CDK19: variants seen among roughly 807,000 people sequenced by gnomAD.
The protein encoded by CDK19 is cyclin-dependent kinase 19.
Under a neutral mutation model 68.3 loss-of-function variants are expected in CDK19, and 20 were observed. The ratio of observed to expected loss-of-function variants is 0.29; its 90% CI spans 0.21 to 0.43. CDK19 has a LOEUF of 0.43. Among genes scored for constraint, CDK19 ranks in the 20% least tolerant of loss-of-function variants. The pLI is 1.00. For missense variants in CDK19, 339 were observed against 623.5 expected (o/e 0.54, Z 4.86); for synonymous variants, 221 against 222.8 (o/e 0.99, Z 0.07).
intron 5 of CDK19, among the ~76,000 whole-genome samples, chr6:110,633,723 T>C (rs1315569920): frequency 1.3e-5 from 2 of 152,238 alleles, no homozygotes; most frequent in Non-Finnish European, 2.9e-5. Context: ...AGTTTACAAA[T>C]GGCTTTCATA....
rs1370207902 is a variant in CDK19 at position 110,613,175 on chromosome 6, A to G, written c.*1360T>C. The G allele has an allele frequency of 6.6e-6, 1 of 152,618 alleles. No individual in the cohort carries two copies. Among genetic ancestry groups the G allele is most frequent in the Non-Finnish European group, 1.5e-5 (1 of 68,042 alleles). The allele number at this position is 152,618 out of a possible 1,614,324, so 9.5% of individuals were successfully genotyped here. A position where few individuals can be genotyped will look rare whatever the true frequency, so the allele number is the denominator to read the frequency against. On this transcript the variant is annotated 3_prime_UTR_variant, in exon 13 of 13. Transcript: ENST00000368911. ...AGTGAGGGGCTCCTTAAAGCAGCTA[A>G]GAAAGAACTCAGCCACTAATTCATA...
At chr6:110,685,191 T>C (rs1772369633) in intron 2 of CDK19, among the ~76,000 whole-genome samples, 1 of 152,172 alleles carries the variant, frequency 6.6e-6, no homozygotes, top group African/African-American at 2.4e-5. Context: ...AAGTGCTACA[T>C]ACTCTGCTTC....
rs1019176768 is a variant in CDK19, at chr6:110,791,130, C to G, written c.128+23879G>C. 3.3e-5 allele frequency among the ~76,000 whole-genome samples: 5 copies of G among 150,922 alleles called. No individual in the cohort carries two copies. The East Asian group carries it at 9.7e-4, about 29-fold the overall frequency. On this transcript the variant is annotated intron_variant, in intron 1 of 12. Coordinates refer to ENST00000368911, the MANE Select transcript of CDK19 (RefSeq NM_015076.5). Reference sequence around the variant, plus strand: ...AGGTTGCAGTGAGCCAAGATCGCACCACTGCACTCCAGCCTGGACGACAGA... The same window carrying G: ...AGGTTGCAGTGAGCCAAGATCGCACGACTGCACTCCAGCCTGGACGACAGA...
intron 2 of CDK19, among the ~76,000 whole-genome samples, chr6:110,697,015 C>T (rs149801026): frequency 0.014 from 2,157 of 150,890 alleles, 53 homozygotes; most frequent in African/African-American, 0.05. Context: ...ACTGAGATCA[C>T]GCCATTGCAC....
chr6:110,798,628 GAAAAAAAAAAAAA>G (rs59236293), intron 1 of CDK19, among the ~76,000 whole-genome samples: 2 of 56,742 alleles, frequency 3.5e-5, no homozygotes, highest in African/African-American at 1.1e-4. Flanking sequence ...TCTGTCTCCA[GAAAAAAAAAAAAA>G]AAAAAAAAGA....
intron 3 of CDK19, among the ~76,000 whole-genome samples, chr6:110,668,160 G>T (rs1011435707): frequency 6.6e-6 from 1 of 152,052 alleles, no homozygotes; most frequent in Non-Finnish European, 1.5e-5. Context: ...TTATATCCAC[G>T]TTATATTGTG....
chr6:110,691,808 G>A (rs190515626), intron 2 of CDK19, among the ~76,000 whole-genome samples: 6 of 150,506 alleles, frequency 4.0e-5, no homozygotes, highest in Admixed American at 2.0e-4. Flanking sequence ...CCACGATGCC[G>A]GGCTTATTTT....
rs869216171 is a variant in CDK19, at chr6:110,691,960, T to TA, written c.205-21420dup. On this transcript the variant is annotated intron_variant, in intron 2 of 12. Transcript: ENST00000368911. ...TGTGCCCGGCCCCCCATCTCTATTT[T>TA]AAAAAAAAAAGAAAGAAAAATCAAT... Among the ~76,000 whole-genome samples the TA allele has an allele frequency of 9.7e-3, 1,426 of 146,390 alleles. 23 individuals carry two copies. The highest frequency in any genetic ancestry group is 0.033 in the African/African-American group (1,323 of 40,080).
intron 2 of CDK19, among the ~76,000 whole-genome samples, chr6:110,697,571 G>T (rs1393451973): frequency 5.3e-5 from 8 of 151,714 alleles, no homozygotes; most frequent in Admixed American, 5.3e-4. Context: ...ATATTGTGTA[G>T]ATGACCATAT....
At position 110,797,984 on chromosome 6, in the gene CDK19, CAAAAAAAAAA is replaced by C. The variant is rs56710819; in HGVS notation, c.128+17015_128+17024del. Among the ~76,000 whole-genome samples the C allele has an allele frequency of 0.036, 3,151 of 87,290 alleles. 363 individuals carry two copies. The East Asian group carries it at 0.45, about 13-fold the overall frequency. 57.3% of individuals were successfully genotyped at this position (87,290 alleles called of 152,430 possible). A position where few individuals can be genotyped will look rare whatever the true frequency, so the allele number is the denominator to read the frequency against. On this transcript the variant is annotated intron_variant, in intron 1 of 12. Transcript: ENST00000368911. ...TGGGCGACAGAGCAAGACTCCGTCT[CAAAAAAAAAA>C]AAAAAAAAAAAGAAAGAAAAAGAAA...
chr6:110,753,023 G>A (rs1778583577), intron 1 of CDK19, among the ~76,000 whole-genome samples: 1 of 150,896 alleles, frequency 6.6e-6, no homozygotes, highest in Non-Finnish European at 1.5e-5. Flanking sequence ...TCGACCTCCG[G>A]GCTCAGATGA....
chr6:110,815,546 G>GT (rs1202774090), upstream of CDK19: 1 of 157,680 alleles, frequency 6.3e-6, no homozygotes, highest in African/African-American at 2.4e-5. Context: ...TTTTGCCGGC[G>GT]TAAGAAATAC....
chr6:110,664,683 T>C (rs945458698), intron 4 of CDK19, among the ~76,000 whole-genome samples: 1 of 152,156 alleles, frequency 6.6e-6, no homozygotes, highest in African/African-American at 2.4e-5. Context: ...ACATAGATCT[T>C]GCTCTCTCAA....
At chr6:110,722,891 C>G (rs1294432345) in intron 2 of CDK19, among the ~76,000 whole-genome samples, 2 of 151,908 alleles carry the variant, frequency 1.3e-5, no homozygotes, top group Non-Finnish European at 2.9e-5. Context: ...TCCTGATCTT[C>G]TATCTCTAAT....
At chr6:110,692,025 G>A (rs1773040755) in intron 2 of CDK19, among the ~76,000 whole-genome samples, 1 of 151,772 alleles carries the variant, frequency 6.6e-6, no homozygotes, top group African/African-American at 2.4e-5. Flanking sequence ...GCTGGGCGCG[G>A]TGGCTCATGC....
At chr6:110,736,082 C>T (rs1179133030) in intron 2 of CDK19, among the ~76,000 whole-genome samples, 1 of 152,206 alleles carries the variant, frequency 6.6e-6, no homozygotes, top group Non-Finnish European at 1.5e-5. Context: ...TAGTTCACGC[C>T]TGTAATCCCA....
At chr6:110,640,797 A>G (rs963487483) in intron 4 of CDK19, among the ~76,000 whole-genome samples, 23 of 152,080 alleles carry the variant, frequency 1.5e-4, no homozygotes, top group Non-Finnish European at 2.8e-4. Context: ...TAAAACATAA[A>G]TTAAAAAAAA....
At chr6:110,800,203 C>T (rs1782253781) in intron 1 of CDK19, among the ~76,000 whole-genome samples, 2 of 152,144 alleles carry the variant, frequency 1.3e-5, no homozygotes, top group Non-Finnish European at 2.9e-5. Flanking sequence ...AGGTGTATTA[C>T]TTCCTTTAAC....
At chr6:110,686,275 A>G (rs569850362) in intron 2 of CDK19, among the ~76,000 whole-genome samples, 197 of 152,312 alleles carry the variant, frequency 1.3e-3, no homozygotes, top group African/African-American at 4.5e-3. Flanking sequence ...CCTAGTCACG[A>G]AAGTCAGAAA....
Sources: gnomAD v4.1 joint callset for allele counts (sites outside exome capture counted in the v4.1 genomes callset) on GRCh38, gnomAD v4.1.1 for gene constraint, MANE v1.5 for transcripts, NCBI Gene and HGNC (gene_info 2026-07-23, HGNC 2026-07-21) for gene names.